SHROOM3: variants seen among roughly 807,000 people sequenced by gnomAD.
The protein encoded by SHROOM3 is protein Shroom3.
A neutral mutation model predicts 138.6 loss-of-function variants in SHROOM3; 47 were observed. The ratio of observed to expected loss-of-function variants is 0.34; its 90% CI spans 0.27 to 0.43. SHROOM3 has a LOEUF of 0.43. SHROOM3 is among the 20% of genes least tolerant of loss of function. SHROOM3 has a pLI of 1.00. For missense variants in SHROOM3, 2,491 were observed against 2,596.5 expected, an observed-to-expected ratio of 0.96 and a Z score of 0.88; for synonymous variants, 1,062 against 1,063.3, an observed-to-expected ratio of 1.00 and a Z score of 0.02.
Position 76,741,257 on chromosome 4 carries a change from G to C in SHROOM3, c.3084G>C (p.Glu1028Asp), listed in dbSNP as rs776496768. The change falls in exon 5 of 11, where the codon GAG becomes GAC. Residue 1028 changes from glutamate to aspartate, a missense_variant. This residue lies in a region of SHROOM3 where 1,733 missense variants were observed against 1,661.6 expected (regional missense o/e 1.04). Coordinates refer to ENST00000296043, the MANE Select transcript of SHROOM3 (RefSeq NM_020859.4). The surrounding 1 kb of genome is among the most constrained non-coding windows in gnomAD (Gnocchi z 6.2). ...RSYSEPEKMNEVGIVEEAEPA... is the reference protein window; with the variant it reads ...RSYSEPEKMNDVGIVEEAEPA... ...ACTCGGAGCCCGAGAAGATGAACGA[G>C]GTGGGGATCGTGGAGGAGGCCGAAC... The C allele has an allele frequency of 6.8e-6, 11 of 1,611,876 alleles. No individual in the cohort carries two copies. The highest frequency in any genetic ancestry group is 9.3e-6 in the Non-Finnish European group (11 of 1,179,664).
chr4:76,456,218 G>T (rs910969779), intron 1 of SHROOM3, among the ~76,000 whole-genome samples: 1 of 152,112 alleles, frequency 6.6e-6, no homozygotes, highest in Non-Finnish European at 1.5e-5. Context: ...TGTTGGCCAG[G>T]ATGGTCTTGA....
chr4:76,653,007 A>G (rs1426377585), intron 2 of SHROOM3, among the ~76,000 whole-genome samples: 1 of 152,012 alleles, frequency 6.6e-6, no homozygotes, highest in Admixed American at 6.6e-5. Context: ...TATTCCATTG[A>G]TCCTCAGTAG....
intron 2 of SHROOM3, among the ~76,000 whole-genome samples, chr4:76,577,692 A>G (rs1161529730): frequency 1.3e-5 from 2 of 152,224 alleles, no homozygotes. Context: ...AGTCCCCTAT[A>G]ACTCCTTCAC....
At chr4:76,534,067 A>G (rs116573869) in intron 1 of SHROOM3, among the ~76,000 whole-genome samples, 339 of 152,344 alleles carry the variant, frequency 2.2e-3, no homozygotes, top group Admixed American at 3.8e-3. Context: ...CGGGGGTCCA[A>G]TAAAGAGATT....
intron 2 of SHROOM3, among the ~76,000 whole-genome samples, chr4:76,608,718 C>T (rs1009146678): frequency 0.077 from 9,009 of 116,736 alleles, 1,277 homozygotes; most frequent in East Asian, 0.14. Context: ...CAGCACAGCA[C>T]AGCACAGCAC....
At chr4:76,462,229 A>T (rs1353733743) in intron 1 of SHROOM3, among the ~76,000 whole-genome samples, 1 of 152,020 alleles carries the variant, frequency 6.6e-6, no homozygotes, top group Non-Finnish European at 1.5e-5. Flanking sequence ...TCTCTACTAA[A>T]CATACAAAAA....
At chr4:76,655,083 A>C (rs1309676704) in intron 2 of SHROOM3, among the ~76,000 whole-genome samples, 1 of 152,210 alleles carries the variant, frequency 6.6e-6, no homozygotes, top group African/African-American at 2.4e-5. Flanking sequence ...TTGTTGAAGA[A>C]AGGAATGATT....
intron 2 of SHROOM3, chr4:76,559,418 G>A (rs943651229): frequency 6.6e-6 from 1 of 152,098 alleles, no homozygotes; most frequent in African/African-American, 2.4e-5. Flanking sequence ...TGTTTCCTTT[G>A]ATTTATTGAT....
chr4:76,621,893 G>T (rs976487210), intron 2 of SHROOM3, among the ~76,000 whole-genome samples: 2 of 148,448 alleles, frequency 1.3e-5, no homozygotes, highest in Non-Finnish European at 3.0e-5. Context: ...GCAATGACAC[G>T]ATCTCCGGCT....
intron 2 of SHROOM3, among the ~76,000 whole-genome samples, chr4:76,579,915 A>G (rs370674175): frequency 1.7e-4 from 26 of 152,246 alleles, no homozygotes; most frequent in East Asian, 5.8e-4. Flanking sequence ...CACGGCAAGC[A>G]TTCATGAAAT....
At chr4:76,679,790 C>T (rs1719138746) in intron 2 of SHROOM3, among the ~76,000 whole-genome samples, 1 of 152,210 alleles carries the variant, frequency 6.6e-6, no homozygotes. Flanking sequence ...GGCACATTCT[C>T]CTCGGTGACA....
intron 2 of SHROOM3, among the ~76,000 whole-genome samples, chr4:76,610,404 G>A (rs1444236587): frequency 6.6e-6 from 1 of 152,152 alleles, no homozygotes; most frequent in Non-Finnish European, 1.5e-5. Flanking sequence ...GTAACCTTTA[G>A]CAGACTGAGA....
intron 2 of SHROOM3, among the ~76,000 whole-genome samples, chr4:76,649,422 A>G (rs1212080906): frequency 1.3e-5 from 2 of 152,232 alleles, no homozygotes; most frequent in Non-Finnish European, 2.9e-5. Flanking sequence ...ACCAGAAGAA[A>G]GCAAAATGAT....
chr4:76,440,291 G>A (rs1730643374), intron 1 of SHROOM3, among the ~76,000 whole-genome samples: 1 of 152,170 alleles, frequency 6.6e-6, no homozygotes, highest in Non-Finnish European at 1.5e-5. Flanking sequence ...ATTAATTTGA[G>A]TAACTTGCTG....
chr4:76,617,592 A>T (rs1436567366), intron 2 of SHROOM3, among the ~76,000 whole-genome samples: 1 of 152,222 alleles, frequency 6.6e-6, no homozygotes, highest in Non-Finnish European at 1.5e-5. Context: ...GACTTATGCT[A>T]AGATGTATGA....
chr4:76,754,894 G>C lies in SHROOM3; in HGVS notation c.4411G>C (p.Asp1471His). 1 of 1,614,146 alleles carries C rather than the reference G, an allele frequency of 6.2e-7. No homozygotes were observed. Residue 1471 changes from aspartate (D) to histidine (H), a missense_variant, in exon 7 of 11, where the codon GAC (aspartate) becomes CAC (histidine). Transcript: ENST00000296043. ...TCTTCCAAGTTTATGCAGCACTTCT[G>C]ACCCAGACACACCTCTTGGGGCCCC... ...QSLPSLCSTSDPDTPLGAPST... is the reference protein window; with the variant it reads ...QSLPSLCSTSHPDTPLGAPST...
At chr4:76,510,513 T>C (rs1378614172) in intron 1 of SHROOM3, among the ~76,000 whole-genome samples, 1 of 152,208 alleles carries the variant, frequency 6.6e-6, no homozygotes, top group Non-Finnish European at 1.5e-5. Flanking sequence ...ATAGGGTTAC[T>C]GAAAGAATTG....
At chr4:76,446,305 C>T (rs796422660) in intron 1 of SHROOM3, among the ~76,000 whole-genome samples, 4 of 145,808 alleles carry the variant, frequency 2.7e-5, no homozygotes, top group African/African-American at 1.0e-4. Flanking sequence ...TCTATGTTAC[C>T]CCATATCTTG....
At chr4:76,517,458 G>A (rs536133076) in intron 1 of SHROOM3, among the ~76,000 whole-genome samples, 3 of 152,280 alleles carry the variant, frequency 2.0e-5, no homozygotes, top group African/African-American at 7.2e-5. Context: ...TCTCAGCTCT[G>A]CTGGTCTGAC....
Sources: allele counts gnomAD v4.1 joint callset (sites outside exome capture counted in the v4.1 genomes callset), GRCh38; gene constraint gnomAD v4.1.1; regional missense constraint gnomAD v4.1.1; non-coding constraint Gnocchi (gnomAD v3.1); transcripts MANE v1.5; gene names NCBI Gene and HGNC (gene_info 2026-07-23, HGNC 2026-07-21).